GCNA: variants seen among roughly 807,000 people sequenced by gnomAD.
GCNA encodes the protein germ cell nuclear acidic peptidase, also known as germ cell nuclear acidic protein.
Under a neutral mutation model 38.8 loss-of-function variants are expected in GCNA, and 3 were observed. That is an observed-to-expected ratio of 0.08 (90% confidence interval 0.04 to 0.20). The LOEUF (loss-of-function observed/expected upper bound fraction) is 0.20. Ranked by LOEUF, GCNA falls within the 10% of genes least tolerant of loss-of-function variation. The probability of loss-of-function intolerance (pLI) is 1.00; values close to 1 mark genes in which losing one functional copy is unlikely to be tolerated. For missense variants in GCNA, 446 were observed against 578.6 expected (o/e 0.77, Z 2.35); for synonymous variants, 195 against 240.2 (o/e 0.81, Z 1.74).
intron 11 of GCNA, among the ~76,000 whole-genome samples, chrX:71,611,068 C>A (rs2040807036): frequency 8.9e-6 from 1 of 112,427 alleles, no homozygotes; most frequent in Non-Finnish European, 1.9e-5. Context: ...GTAGCATCTT[C>A]ATTCTCTCAG....
At chrX:71,596,896 A>C (rs2040676210) in intron 6 of GCNA, among the ~76,000 whole-genome samples, 1 of 112,361 alleles carries the variant, frequency 8.9e-6, no homozygotes, top group Non-Finnish European at 1.9e-5. Context: ...GTACCTCTGC[A>C]TACTGACTAA....
At chrX:71,580,366 C>T (rs1015690333) in intron 1 of GCNA, 4 of 111,441 alleles carry the variant, frequency 3.6e-5, no homozygotes, top group East Asian at 5.6e-4. Flanking sequence ...AGCAAAGTTT[C>T]GGCTTTAAGG....
rs1031611050 is a variant in GCNA at position 71,604,663 on chromosome X, A to T, written c.1386A>T (p.Val462=). The T allele has an allele frequency of 1.7e-6, 2 of 1,209,035 alleles. No homozygotes were observed. Among genetic ancestry groups the T allele is most frequent in the Admixed American group, 4.4e-5 (2 of 45,687 alleles). The part of the protein sequence containing the change: ...LRKRKAKTKN[V]SVTPGHKKRG... ...AGAGGAAGGCGAAAACCAAAAATGTATCTGTGACACCTGGTAAGCCAGTCA... is the reference window on the plus strand; with the variant it reads ...AGAGGAAGGCGAAAACCAAAAATGTTTCTGTGACACCTGGTAAGCCAGTCA... The change falls in exon 8 of 13, where the codon GTA becomes GTT. Residue 462 remains valine, a synonymous_variant. Coordinates refer to ENST00000373696, the MANE Select transcript of GCNA (RefSeq NM_052957.5).
Position 71,613,231 on chromosome X carries a change from T to C in GCNA, c.*249T>C, listed in dbSNP as rs1352861504. 1.2e-5 allele frequency: 4 copies of C among 343,345 alleles called. No homozygotes were observed. The highest frequency in any genetic ancestry group is 2.0e-5 in the Non-Finnish European group (4 of 199,639). The allele number at this position is 343,345 out of a possible 1,213,427, so 28.3% of individuals were successfully genotyped here. A position where few individuals can be genotyped will look rare whatever the true frequency, so the allele number is the denominator to read the frequency against. ...AAGTAAGTAATGTTAGAATTTAAGA[T>C]TCATGTTATTAACGATGATTGACCT... On this transcript the variant is annotated 3_prime_UTR_variant, in exon 13 of 13. Transcript: ENST00000373696.
rs1429371119 is a variant in GCNA, at chrX:71,604,559, C to A, written c.1282C>A (p.Gln428Lys). The change falls in exon 8 of 13, where the codon CAG (glutamine) becomes AAG (lysine). Residue 428 changes from glutamine to lysine, a missense_variant. By Grantham distance (53) the Gln-to-Lys change is moderately conservative. This residue lies in a region of GCNA where 160 missense variants were observed against 165.2 expected (regional missense o/e 0.97). Coordinates refer to ENST00000373696, the MANE Select transcript of GCNA (RefSeq NM_052957.5). ...TATTGTGGAGCCACCGAGGAAAAGGCAGACAAAGACCAAAAATATAGTGGA... is the reference window on the plus strand; with the variant it reads ...TATTGTGGAGCCACCGAGGAAAAGGAAGACAAAGACCAAAAATATAGTGGA... ...KTIVEPPRKR[Q>K]TKTKNIVEPP... 1 of 1,192,233 alleles carries A rather than the reference C, an allele frequency of 8.4e-7. No individual in the cohort carries two copies. Among genetic ancestry groups the A allele is most frequent in the Admixed American group, 2.3e-5 (1 of 42,620 alleles).
In GCNA at chrX:71,602,081, A is replaced by G. The variant is rs185312452; in HGVS notation, c.311-1507A>G. On this transcript the variant is annotated intron_variant, in intron 7 of 12. Coordinates refer to ENST00000373696, the MANE Select transcript of GCNA (RefSeq NM_052957.5). The stretch of plus-strand genomic sequence containing the variant: ...TAATTTACATTCCTACCAGCAATGT[A>G]CAAGGGTTCCCTTTTCTCCTCATTC... Among the ~76,000 whole-genome samples the G allele has an allele frequency of 6.1e-4, 69 of 112,543 alleles. No homozygotes were observed. The East Asian group carries it at 0.019, about 31-fold the overall frequency.
chrX:71,600,461 C>G (rs2040704456), intron 7 of GCNA, among the ~76,000 whole-genome samples: 1 of 111,562 alleles, frequency 9.0e-6, no homozygotes, highest in Non-Finnish European at 1.9e-5. Context: ...AAAAATACCA[C>G]TTTATTATTC....
intron 7 of GCNA, among the ~76,000 whole-genome samples, chrX:71,599,913 T>C (rs1238227103): frequency 8.9e-6 from 1 of 112,548 alleles, no homozygotes; most frequent in Non-Finnish European, 1.9e-5. Flanking sequence ...ATTTGAAGTT[T>C]TTTCATAATT....
intron 6 of GCNA, 26 bp from the exon 7 acceptor site, chrX:71,597,922 CTT>C (rs771943279): frequency 1.3e-5 from 15 of 1,121,548 alleles, no homozygotes; most frequent in Middle Eastern, 4.9e-4. Flanking sequence ...ATACTTCTCT[CTT>C]GTTTTTCTCC....
chrX:71,606,733 A>G (rs953592699), intron 9 of GCNA, among the ~76,000 whole-genome samples: 1 of 111,797 alleles, frequency 8.9e-6, no homozygotes, highest in Non-Finnish European at 1.9e-5. Flanking sequence ...CAGCTTGCCA[A>G]GTACTCTCTT....
chrX:71,582,459 AAG>A (rs1425572127), intron 2 of GCNA, among the ~76,000 whole-genome samples: 1 of 110,248 alleles, frequency 9.1e-6, no homozygotes, highest in Non-Finnish European at 1.9e-5. Flanking sequence ...TATTTGCAAA[AAG>A]TTTGATGATA....
Position 71,612,884 on chromosome X carries a change from T to C in GCNA, c.1978T>C (p.Leu660=). ...CAGGATTGGCTGCTACACCAAATCGTTGGACACCAGCCGCTTCATCTGTGC... is the reference window on the plus strand; with the variant it reads ...CAGGATTGGCTGCTACACCAAATCGCTGGACACCAGCCGCTTCATCTGTGC... The part of the protein sequence containing the change: ...KTRIGCYTKS[L]DTSRFICAKC... The change falls in exon 13 of 13, where the codon TTG becomes CTG. Residue 660 remains leucine (L), a synonymous_variant. Transcript: ENST00000373696. The C allele has an allele frequency of 8.3e-7, 1 of 1,211,621 alleles. No homozygotes were observed. Among genetic ancestry groups the C allele is most frequent in the South Asian group, 1.8e-5 (1 of 56,879 alleles).
At chrX:71,583,865 C>CTT (rs753993215) in intron 2 of GCNA, among the ~76,000 whole-genome samples, 1 of 99,307 alleles carries the variant, frequency 1.0e-5, no homozygotes, top group African/African-American at 3.6e-5. Context: ...ACCCGCCTAA[C>CTT]TTTTTTTTTT....
At chrX:71,591,881 T>G (rs1207712191) in intron 2 of GCNA, among the ~76,000 whole-genome samples, 45 of 112,441 alleles carry the variant, frequency 4.0e-4, no homozygotes, top group African/African-American at 9.4e-4. Flanking sequence ...CGATAACTCA[T>G]CTAACATTCT....
At position 71,598,020 on chromosome X, in the gene GCNA, T is replaced by C. The variant is rs2040684800; in HGVS notation, c.292T>C (p.Leu98=). Residue 98 remains leucine, a synonymous_variant, in exon 7 of 13, where the codon TTG becomes CTG. Transcript: ENST00000373696. ...HTHEEKKAKL[L]EINSDDESPE... is the part of the protein sequence containing the mutation. ...CCATGAAGAGAAGAAAGCTAAGTTA[T>C]TGGAAATAAACAGCGACGGCAAGTA... The C allele has an allele frequency of 8.3e-7, 1 of 1,208,046 alleles. No homozygotes were observed. The highest frequency in any genetic ancestry group is 3.0e-5 in the East Asian group (1 of 33,849).
Position 71,606,815 on chromosome X carries a change from G to A in GCNA, c.1466+1086G>A, listed in dbSNP as rs373933747. On this transcript the variant is annotated intron_variant, in intron 9 of 12. Transcript: ENST00000373696. ...CATATTTAAGCTGCTTTGCCTCCAG[G>A]GACGTGTGTCTTGGGTAACTCCCAG... is the stretch of plus-strand genomic sequence containing the variant. 8.0e-5 allele frequency among the ~76,000 whole-genome samples: 9 copies of A among 111,925 alleles called. No individual in the cohort carries two copies. In the South Asian group the frequency reaches 1.5e-3, roughly 19 times the overall value.
At chrX:71,598,109 T>C in intron 7 of GCNA, 71 bp downstream of exon 7, 8 of 791,053 alleles carry the variant, frequency 1.0e-5, no homozygotes, top group Non-Finnish European at 1.5e-5. Context: ...ACTTTCAGGA[T>C]CAGAGTCCGC....
At chrX:71,579,400 T>G (rs1432444124) in intron 1 of GCNA, among the ~76,000 whole-genome samples, 1 of 19,799 alleles carries the variant, frequency 5.1e-5, no homozygotes, top group Non-Finnish European at 9.5e-5. Flanking sequence ...GGGGTGCCAA[T>G]GGGGGCGTTG....
At chrX:71,582,542 AC>A (rs2040554985) in intron 2 of GCNA, among the ~76,000 whole-genome samples, 1 of 110,995 alleles carries the variant, frequency 9.0e-6, no homozygotes, top group African/African-American at 3.3e-5. Context: ...ATTTGGTACA[AC>A]CTTTTTGGAG....
Sources: allele counts gnomAD v4.1 joint callset (sites outside exome capture counted in the v4.1 genomes callset), GRCh38; gene constraint gnomAD v4.1.1; regional missense constraint gnomAD v4.1.1; transcripts MANE v1.5; gene names NCBI Gene and HGNC (gene_info 2026-07-23, HGNC 2026-07-21).